The following ZNF385D variants were observed in gnomAD, a reference collection of about 807,000 sequenced individuals.
ZNF385D encodes the protein zinc finger protein 659.
ZNF385D carries 15 observed loss-of-function variants against 35.8 expected under a neutral mutation model. The ratio of observed to expected loss-of-function variants is 0.42; its 90% confidence interval spans 0.28 to 0.64. ZNF385D has a LOEUF of 0.64. Among genes scored for constraint, ZNF385D ranks in the 30% least tolerant of loss-of-function variants. The pLI is 0.23. For missense variants in ZNF385D, 474 were observed against 494.6 expected, an observed-to-expected ratio of 0.96 and a Z score of 0.39; for synonymous variants, 212 against 186.8, an observed-to-expected ratio of 1.13 and a Z score of -1.10.
intron 2 of ZNF385D, among the ~76,000 whole-genome samples, chr3:21,580,650 A>C (rs1420165887): frequency 1.3e-5 from 2 of 152,010 alleles, no homozygotes; most frequent in Non-Finnish European, 1.5e-5. Context: ...CCTTCTCTGT[A>C]GGTTATCTTT....
chr3:22,038,720 T>G (rs968471630), intron 3 of ZNF385D, among the ~76,000 whole-genome samples: 4 of 151,932 alleles, frequency 2.6e-5, no homozygotes, highest in Admixed American at 6.6e-5. Flanking sequence ...ATCAAGAATT[T>G]TAGATCTTGA....
chr3:21,876,164 GCAAA>G (rs35069162), intron 3 of ZNF385D, among the ~76,000 whole-genome samples: 11,014 of 151,838 alleles, frequency 0.073, 513 homozygotes, highest in South Asian at 0.17. Flanking sequence ...AAGCAAGCAA[GCAAA>G]CAAACAAACA....
chr3:21,709,496 A>G (rs1165015106), intron 1 of ZNF385D, among the ~76,000 whole-genome samples: 1 of 151,858 alleles, frequency 6.6e-6, no homozygotes, highest in Non-Finnish European at 1.5e-5. Context: ...AAAACAAAAC[A>G]AAACAAAACA....
chr3:21,479,057 A>ATG (rs1416087078), intron 4 of ZNF385D, among the ~76,000 whole-genome samples: 1 of 151,456 alleles, frequency 6.6e-6, no homozygotes, highest in Admixed American at 6.6e-5. Context: ...GGGTATATAT[A>ATG]TATAAATTAC....
chr3:21,707,659 G>A (rs1383297238), intron 1 of ZNF385D, among the ~76,000 whole-genome samples: 2 of 152,178 alleles, frequency 1.3e-5, no homozygotes. Flanking sequence ...TCCTGAGATG[G>A]CAGCATTTGG....
At chr3:22,094,417 T>C (rs947160683) in intron 3 of ZNF385D, among the ~76,000 whole-genome samples, 3 of 148,146 alleles carry the variant, frequency 2.0e-5, no homozygotes, top group Non-Finnish European at 4.4e-5. Flanking sequence ...TATAAAGGCA[T>C]TTGTGTCATA....
intron 3 of ZNF385D, among the ~76,000 whole-genome samples, chr3:21,980,450 T>C (rs758363980): frequency 6.6e-5 from 10 of 152,150 alleles, no homozygotes; most frequent in Non-Finnish European, 1.2e-4. Flanking sequence ...TGAGTAATAG[T>C]AGCATTGAAG....
At chr3:21,547,751 G>A (rs543845030) in intron 3 of ZNF385D, among the ~76,000 whole-genome samples, 2 of 151,886 alleles carry the variant, frequency 1.3e-5, no homozygotes, top group South Asian at 4.2e-4. Context: ...CGAGTAGCTG[G>A]GACTACAGGC....
At chr3:22,139,914 C>T (rs1474495843) in intron 3 of ZNF385D, among the ~76,000 whole-genome samples, 1 of 152,098 alleles carries the variant, frequency 6.6e-6, no homozygotes, top group African/African-American at 2.4e-5. Context: ...TCTACACTCC[C>T]ATTAAAATGG....
At chr3:21,824,972 G>A (rs1293182350) in intron 3 of ZNF385D, among the ~76,000 whole-genome samples, 1 of 152,110 alleles carries the variant, frequency 6.6e-6, no homozygotes, top group African/African-American at 2.4e-5. Flanking sequence ...ATGTGTAAAT[G>A]CTTTTTAGGA....
At chr3:21,847,479 T>C (rs73044714) in intron 3 of ZNF385D, among the ~76,000 whole-genome samples, 10,357 of 152,068 alleles carry the variant, frequency 0.068, 510 homozygotes, top group East Asian at 0.18. Flanking sequence ...ATTCTAATGA[T>C]CCAATTGTTT....
intron 3 of ZNF385D, among the ~76,000 whole-genome samples, chr3:22,003,467 G>A (rs1695986932): frequency 6.6e-6 from 1 of 152,104 alleles, no homozygotes; most frequent in South Asian, 2.1e-4. Context: ...TCATGGATTG[G>A]TAGAATTATT....
chr3:22,359,038 C>T (rs955213600), intron 2 of ZNF385D, among the ~76,000 whole-genome samples: 22 of 144,836 alleles, frequency 1.5e-4, no homozygotes, highest in Non-Finnish European at 2.6e-4. Flanking sequence ...CCTTGACTAC[C>T]CGTATTAAAA....
At chr3:21,950,247 T>A (rs1179736227) in intron 3 of ZNF385D, among the ~76,000 whole-genome samples, 1 of 151,848 alleles carries the variant, frequency 6.6e-6, no homozygotes, top group African/African-American at 2.4e-5. Context: ...ATGATCACCA[T>A]TCTAACTGGC....
intron 3 of ZNF385D, among the ~76,000 whole-genome samples, chr3:22,028,651 C>T (rs1697718094): frequency 6.6e-6 from 1 of 152,206 alleles, no homozygotes. Context: ...AGACTACCAT[C>T]TGTGGACTTA....
At chr3:22,016,283 C>A (rs2125446380) in intron 3 of ZNF385D, among the ~76,000 whole-genome samples, 1 of 152,190 alleles carries the variant, frequency 6.6e-6, no homozygotes. Context: ...TCCAAACTTT[C>A]TATAACACAT....
chr3:21,723,763 A>G (rs2068639339), intron 1 of ZNF385D, among the ~76,000 whole-genome samples: 1 of 152,178 alleles, frequency 6.6e-6, no homozygotes, highest in Non-Finnish European at 1.5e-5. Flanking sequence ...CAACCTAGCA[A>G]GGCAGGCCAA....
chr3:22,365,706 T>C (rs1049305821), intron 2 of ZNF385D, among the ~76,000 whole-genome samples: 3 of 152,082 alleles, frequency 2.0e-5, no homozygotes, highest in Admixed American at 6.5e-5. Context: ...CATAAACACT[T>C]GTCATTTAAC....
chr3:22,064,987 A>G (rs906600366), intron 3 of ZNF385D, among the ~76,000 whole-genome samples: 2 of 152,226 alleles, frequency 1.3e-5, no homozygotes, highest in Non-Finnish European at 1.5e-5. Context: ...TGACGGTATA[A>G]TGTTGTAATT....
Sources: gnomAD v4.1 joint callset for allele counts (sites outside exome capture counted in the v4.1 genomes callset) on GRCh38, gnomAD v4.1.1 for gene constraint, MANE v1.5 for transcripts, NCBI Gene and HGNC (gene_info 2026-07-23, HGNC 2026-07-21) for gene names.